The following KIF13A variants were observed in gnomAD, a reference collection of about 807,000 sequenced individuals.
KIF13A encodes kinesin-like protein KIF13A.
A neutral mutation model predicts 212.2 loss-of-function variants in KIF13A; 79 were observed. The ratio of observed to expected loss-of-function variants is 0.37; its 90% CI spans 0.31 to 0.45. The LOEUF (loss-of-function observed/expected upper bound fraction) is 0.45. Among genes scored for constraint, KIF13A ranks in the 20% least tolerant of loss-of-function variants. KIF13A has a pLI of 1.00. For synonymous variants in KIF13A, 789 were observed against 808.6 expected (o/e 0.98, Z 0.41); for missense variants, 1,901 against 2,209.0 (o/e 0.86, Z 2.79).
At chr6:17,858,538 G>T (rs892239903) in intron 4 of KIF13A, among the ~76,000 whole-genome samples, 1 of 152,176 alleles carries the variant, frequency 6.6e-6, no homozygotes, top group Non-Finnish European at 1.5e-5. Context: ...TTTCTCATAT[G>T]TTTTCTCAAA....
intron 3 of KIF13A, among the ~76,000 whole-genome samples, chr6:17,874,999 G>A (rs4716197): frequency 3.4e-4 from 41 of 120,296 alleles, no homozygotes; most frequent in East Asian, 2.4e-3. Flanking sequence ...ACACGCACAC[G>A]CACGCACACA....
At chr6:17,854,546 A>AG in intron 6 of KIF13A, among the ~76,000 whole-genome samples, 1 of 77,094 alleles carries the variant, frequency 1.3e-5, no homozygotes, top group Non-Finnish European at 2.3e-5. Flanking sequence ...AATCAGTATA[A>AG]TTTTTTTTTT....
In KIF13A at chr6:17,968,863, CACTAGAACCACCAGTGATGTGACAG is replaced by C. The variant is rs1779555335; in HGVS notation, c.146+18166_146+18190del. Among the ~76,000 whole-genome samples, 2 of 152,212 alleles carry C rather than the reference CACTAGAACCACCAGTGATGTGACAG, an allele frequency of 1.3e-5. No homozygotes were observed. Reference sequence around the variant, plus strand: ...GGTCTCAGAGGGCCCAGACTAGAAGCACTAGAACCACCAGTGATGTGACAGACACAACCTGAGGACTTTCTACCCA... The same window carrying C: ...GGTCTCAGAGGGCCCAGACTAGAAGCACACAACCTGAGGACTTTCTACCCA... On this transcript the variant is annotated intron_variant, in intron 2 of 38. Transcript: ENST00000259711. This position sits in a 1 kb window ranked among gnomAD's most constrained non-coding sequence, Gnocchi z 4.7.
chr6:17,974,272 G>T (rs1780078697), intron 2 of KIF13A, among the ~76,000 whole-genome samples: 1 of 152,122 alleles, frequency 6.6e-6, no homozygotes, highest in South Asian at 2.1e-4. Context: ...TAGAGATGGG[G>T]TGTCACCATG....
rs759226053 is a variant in KIF13A, at chr6:17,856,487, C to T, written c.221-365G>A. ...ATCTCCCCAGCTAGATTCTGAACTGCCACTGAACAAGACCATGTTATACAC... is the reference window on the plus strand; with the variant it reads ...ATCTCCCCAGCTAGATTCTGAACTGTCACTGAACAAGACCATGTTATACAC... On this transcript the variant is annotated intron_variant, in intron 4 of 38. Coordinates refer to ENST00000259711, the MANE Select transcript of KIF13A (RefSeq NM_022113.6). The surrounding 1 kb of genome is among the most constrained non-coding windows in gnomAD (Gnocchi z 4.5). Among the ~76,000 whole-genome samples the T allele has an allele frequency of 3.9e-5, 6 of 152,198 alleles. No homozygotes were observed. The highest frequency in any genetic ancestry group is 5.9e-5 in the Non-Finnish European group (4 of 68,034).
rs1434992305 is a variant in KIF13A, at chr6:17,964,320, CAA to C, written c.146+22732_146+22733del. ...AATATAACTGATAATCAGAAAAGCC[CAA>C]GTTTCTACTTTTTACAAGCTGTGAT... On this transcript the variant is annotated intron_variant, in intron 2 of 38. Coordinates refer to ENST00000259711, the MANE Select transcript of KIF13A (RefSeq NM_022113.6). 2.0e-5 allele frequency among the ~76,000 whole-genome samples: 3 copies of C among 152,078 alleles called. No homozygotes were observed. The East Asian group carries it at 5.8e-4, about 29-fold the overall frequency.
rs1268838857 is a variant in KIF13A, at chr6:17,809,301, A to T, written c.2001-371T>A. Among the ~76,000 whole-genome samples, 1 of 152,336 alleles carries T rather than the reference A, an allele frequency of 6.6e-6. No homozygotes were observed. The highest frequency in any genetic ancestry group is 6.5e-5 in the Admixed American group (1 of 15,296). On this transcript the variant is annotated intron_variant, in intron 17 of 38. Transcript: ENST00000259711. The surrounding 1 kb of genome is among the most constrained non-coding windows in gnomAD (Gnocchi z 4.7). Reference sequence around the variant, plus strand: ...TGGGGCAGGGAGGGGTTGGCAGATGAGAGAAACCTGGAGTTAGGAGAAGAA... The same window carrying T: ...TGGGGCAGGGAGGGGTTGGCAGATGTGAGAAACCTGGAGTTAGGAGAAGAA...
chr6:17,855,296 CTGA>C lies in KIF13A; in HGVS notation c.494+138_494+140del, dbSNP rs551331910. 6.5e-4 allele frequency: 415 copies of C among 636,142 alleles called. 2 individuals are homozygous for C. The Admixed American group carries it at 0.011, about 17-fold the overall frequency. 39.4% of individuals were successfully genotyped at this position (636,142 alleles called of 1,614,324 possible). ...GGGTATACCAAAAGGCTTTGAGAAG[CTGA>C]TGATTTTTCTGTAAATGAATGAAAA... On this transcript the variant is annotated intron_variant, in intron 6 of 38. Transcript: ENST00000259711. This position sits in a 1 kb window ranked among gnomAD's most constrained non-coding sequence, Gnocchi z 4.1.
At chr6:17,760,199 G>C (rs1392649058), downstream of KIF13A, 1 of 152,120 alleles carries the variant, frequency 6.6e-6, no homozygotes, top group Non-Finnish European at 1.5e-5. Context: ...CAAAAATGTT[G>C]TCTTATGTAA....
chr6:17,985,762 T>C (rs1781505121), intron 2 of KIF13A, among the ~76,000 whole-genome samples: 1 of 152,090 alleles, frequency 6.6e-6, no homozygotes, highest in Non-Finnish European at 1.5e-5. Context: ...CTGCTATAAA[T>C]GCATCTAAAA....
intron 17 of KIF13A, among the ~76,000 whole-genome samples, chr6:17,812,821 C>T (rs58155051): frequency 0.043 from 6,536 of 152,224 alleles, 351 homozygotes; most frequent in African/African-American, 0.12. Context: ...CCCTTTTCTT[C>T]GCAACTTTGC....
intron 3 of KIF13A, among the ~76,000 whole-genome samples, chr6:17,876,028 A>G (rs1428840162): frequency 6.6e-5 from 10 of 152,108 alleles, no homozygotes; most frequent in Non-Finnish European, 5.9e-5. Flanking sequence ...TTAACATTTT[A>G]TTTCCCCAAT....
At chr6:17,946,960 GCTCAT>G (rs1419688513) in intron 2 of KIF13A, among the ~76,000 whole-genome samples, 1 of 152,122 alleles carries the variant, frequency 6.6e-6, no homozygotes, top group Non-Finnish European at 1.5e-5. Flanking sequence ...ATTTATCAAA[GCTCAT>G]CGAAACTGTA....
Position 17,839,208 on chromosome 6 carries a change from T to C in KIF13A, c.831-1625A>G, listed in dbSNP as rs113443274. 8.1e-3 allele frequency among the ~76,000 whole-genome samples: 1,235 copies of C among 152,344 alleles called. 18 individuals carry two copies. The highest frequency in any genetic ancestry group is 0.028 in the African/African-American group (1,160 of 41,578). On this transcript the variant is annotated intron_variant, in intron 9 of 38. Transcript: ENST00000259711. The surrounding 1 kb of genome is among the most constrained non-coding windows in gnomAD (Gnocchi z 4.3). Reference sequence around the variant, plus strand: ...GCCCCGACTTGACCACTGCACAATCTGTGCCTGTAACAAAATTGCACTTGT... The same window carrying C: ...GCCCCGACTTGACCACTGCACAATCCGTGCCTGTAACAAAATTGCACTTGT...
intron 31 of KIF13A, among the ~76,000 whole-genome samples, chr6:17,780,016 G>C (rs1581896509): frequency 6.6e-6 from 1 of 152,104 alleles, no homozygotes; most frequent in East Asian, 1.9e-4. Context: ...AAAGTGCTGG[G>C]ACTACAGGCG....
At chr6:17,859,089 T>A (rs1263099115) in intron 4 of KIF13A, among the ~76,000 whole-genome samples, 1 of 152,204 alleles carries the variant, frequency 6.6e-6, no homozygotes, top group Non-Finnish European at 1.5e-5. Flanking sequence ...TTAGGAGGAA[T>A]TATTTTCCTA....
intron 2 of KIF13A, among the ~76,000 whole-genome samples, chr6:17,964,610 A>C (rs1779133758): frequency 6.6e-6 from 1 of 152,216 alleles, no homozygotes; most frequent in African/African-American, 2.4e-5. Flanking sequence ...GTGGAATCCT[A>C]TCAAAATAAG....
chr6:17,875,003 GCA>G lies in KIF13A; in HGVS notation c.160-1568_160-1567del, dbSNP rs905903459. ...CACACACACACACACGCACACGCAC[GCA>G]CACACACACACACACACACAGCATG... On this transcript the variant is annotated intron_variant, in intron 3 of 38. Coordinates refer to ENST00000259711, the MANE Select transcript of KIF13A (RefSeq NM_022113.6). Among the ~76,000 whole-genome samples, 183 of 133,220 alleles carry G rather than the reference GCA, an allele frequency of 1.4e-3. 1 individual carries two copies. Among genetic ancestry groups the G allele is most frequent in the East Asian group, 7.3e-3 (34 of 4,684 alleles). The allele number at this position is 133,220 out of a possible 152,430, so 87.4% of individuals were successfully genotyped here. A position where few individuals can be genotyped will look rare whatever the true frequency, so the allele number is the denominator to read the frequency against.
At chr6:17,875,003 G>GCACACACACACACA (rs905903459) in intron 3 of KIF13A, among the ~76,000 whole-genome samples, 4 of 133,386 alleles carry the variant, frequency 3.0e-5, no homozygotes, top group East Asian at 2.1e-4. Context: ...GCACACGCAC[G>GCACACACACACACA]CACACACACA....
Sources: allele counts gnomAD v4.1 joint callset (sites outside exome capture counted in the v4.1 genomes callset), GRCh38; gene constraint gnomAD v4.1.1; non-coding constraint Gnocchi (gnomAD v3.1); transcripts MANE v1.5; gene names NCBI Gene and HGNC (gene_info 2026-07-23, HGNC 2026-07-21).